The following RAPGEF1 variants were observed in gnomAD, a reference collection of about 807,000 sequenced individuals.
RAPGEF1 encodes Rap guanine nucleotide exchange factor 1, also known as CRK SH3-binding GNRP.
Under a neutral mutation model 143.3 loss-of-function variants are expected in RAPGEF1, and 33 were observed. That is an observed-to-expected ratio of 0.23 (90% CI 0.17 to 0.31). RAPGEF1 has a LOEUF of 0.31. RAPGEF1 is among the 10% of genes least tolerant of loss of function. The probability of loss-of-function intolerance (pLI) is 1.00; values close to 1 mark genes in which losing one functional copy is unlikely to be tolerated. For synonymous variants in RAPGEF1, 629 were observed against 676.5 expected, an observed-to-expected ratio of 0.93 and a Z score of 1.09; for missense variants, 1,199 against 1,645.4, an observed-to-expected ratio of 0.73 and a Z score of 4.69.
intron 15 of RAPGEF1, 106 bp from the exon 16 acceptor site, chr9:131,598,416 C>A: frequency 1.2e-6 from 1 of 863,422 alleles, no homozygotes; most frequent in Non-Finnish European, 1.9e-6. Context: ...GCTCCCGGAA[C>A]ATGCCTGCCC....
chr9:131,605,234 G>A (rs1294998321), intron 12 of RAPGEF1, 46 bp from the exon 13 acceptor site: 3 of 1,229,206 alleles, frequency 2.4e-6, no homozygotes, highest in East Asian at 5.6e-5. Flanking sequence ...AATACAAGAA[G>A]AAAAGAGAAA....
At chr9:131,684,765 C>A (rs1209699477) in intron 1 of RAPGEF1, among the ~76,000 whole-genome samples, 4 of 152,160 alleles carry the variant, frequency 2.6e-5, no homozygotes, top group African/African-American at 9.7e-5. Context: ...TTCTCCAGCC[C>A]AAAATCAACA....
intron 1 of RAPGEF1, among the ~76,000 whole-genome samples, chr9:131,733,664 T>C (rs998787057): frequency 3.3e-5 from 5 of 152,102 alleles, no homozygotes; most frequent in Admixed American, 1.3e-4. Context: ...GGAACACCTG[T>C]CCCGGCGGCG....
At chr9:131,710,062 CA>C in intron 1 of RAPGEF1, 22 of 538,578 alleles carry the variant, frequency 4.1e-5, no homozygotes, top group Non-Finnish European at 5.2e-5. Flanking sequence ...CTTTTCTCCG[CA>C]GGAGAAATGG....
chr9:131,676,258 G>A (rs542429486), intron 1 of RAPGEF1, among the ~76,000 whole-genome samples: 4 of 152,262 alleles, frequency 2.6e-5, no homozygotes, highest in South Asian at 2.1e-4. Context: ...TCTTCCCAGC[G>A]CACCCTGAGG....
intron 10 of RAPGEF1, 30 bp downstream of exon 10, chr9:131,625,892 C>A: frequency 1.3e-6 from 2 of 1,519,502 alleles, no homozygotes; most frequent in Non-Finnish European, 1.8e-6. Context: ...ATAAAATGCA[C>A]TTCCTGACAA....
At chr9:131,615,264 C>T (rs189161968) in intron 12 of RAPGEF1, among the ~76,000 whole-genome samples, 16 of 152,264 alleles carry the variant, frequency 1.1e-4, no homozygotes, top group Admixed American at 2.0e-4. Context: ...TCAGTAGAGC[C>T]GGGGTTTCAC....
intron 1 of RAPGEF1, among the ~76,000 whole-genome samples, chr9:131,717,355 A>G (rs1469257418): frequency 6.6e-6 from 1 of 152,144 alleles, no homozygotes; most frequent in Non-Finnish European, 1.5e-5. Flanking sequence ...TCCATACACA[A>G]TGGGTACTCA....
At chr9:131,617,630 C>T (rs1959201757) in intron 12 of RAPGEF1, among the ~76,000 whole-genome samples, 1 of 152,178 alleles carries the variant, frequency 6.6e-6, no homozygotes, top group African/African-American at 2.4e-5. Flanking sequence ...GACTAGAATC[C>T]AGAACTCTTA....
intron 1 of RAPGEF1, among the ~76,000 whole-genome samples, chr9:131,683,760 G>C (rs1181636250): frequency 6.6e-6 from 1 of 152,182 alleles, no homozygotes; most frequent in Non-Finnish European, 1.5e-5. Context: ...TGTAATTGAG[G>C]TATTGACTGC....
chr9:131,650,307 G>T lies in RAPGEF1; in HGVS notation c.202-65C>A. On this transcript the variant is annotated intron_variant, in intron 2 of 26. Coordinates refer to ENST00000683357, the MANE Select transcript of RAPGEF1 (RefSeq NM_001377935.1). This position sits in a 1 kb window ranked among gnomAD's most constrained non-coding sequence, Gnocchi z 4.7. ...TGGCTGTTTGAGGCCGAAGGGAGGG[G>T]TTGATGAAAGTCAATAGCTGTTTCA... 1 of 1,240,274 alleles carries T rather than the reference G, an allele frequency of 8.1e-7. No individual in the cohort carries two copies. The highest frequency in any genetic ancestry group is 1.2e-6 in the Non-Finnish European group (1 of 866,524). 76.8% of individuals were successfully genotyped at this position (1,240,274 alleles called of 1,614,324 possible). A position where few individuals can be genotyped will look rare whatever the true frequency, so the allele number is the denominator to read the frequency against.
At chr9:131,719,211 T>C (rs888248317) in intron 1 of RAPGEF1, among the ~76,000 whole-genome samples, 1 of 152,204 alleles carries the variant, frequency 6.6e-6, no homozygotes, top group Non-Finnish European at 1.5e-5. Flanking sequence ...TCCAAATTAA[T>C]CAGCTAATAT....
chr9:131,729,061 T>C (rs1262963655), intron 1 of RAPGEF1, among the ~76,000 whole-genome samples: 1 of 152,214 alleles, frequency 6.6e-6, no homozygotes, highest in Non-Finnish European at 1.5e-5. Flanking sequence ...TCAGACACTG[T>C]TCTGTACTGG....
chr9:131,637,870 G>A (rs941910368), intron 5 of RAPGEF1, among the ~76,000 whole-genome samples: 5 of 152,208 alleles, frequency 3.3e-5, no homozygotes, highest in African/African-American at 1.2e-4. Flanking sequence ...CATAGACTAC[G>A]AAGTGGTGAA....
chr9:131,696,203 T>C (rs1308656132), intron 1 of RAPGEF1, among the ~76,000 whole-genome samples: 4 of 152,130 alleles, frequency 2.6e-5, no homozygotes, highest in South Asian at 2.1e-4. Flanking sequence ...CTACTGGTCA[T>C]AGGACCAGCC....
intron 1 of RAPGEF1, among the ~76,000 whole-genome samples, chr9:131,652,707 C>T (rs549720588): frequency 2.2e-4 from 33 of 152,208 alleles, no homozygotes; most frequent in Non-Finnish European, 1.6e-4. Flanking sequence ...ATAACAATGC[C>T]TTCTTTTATA....
chr9:131,629,059 C>T, intron 7 of RAPGEF1, 43 bp downstream of exon 7: 1 of 1,586,186 alleles, frequency 6.3e-7, no homozygotes, highest in South Asian at 1.1e-5. Flanking sequence ...CTTTCTTTCT[C>T]ATTCTGCCAT....
At chr9:131,602,652 G>A (rs1956452687) in intron 14 of RAPGEF1, among the ~76,000 whole-genome samples, 1 of 152,212 alleles carries the variant, frequency 6.6e-6, no homozygotes, top group African/African-American at 2.4e-5. Flanking sequence ...CTTAACCACT[G>A]GGCCCTGCTG....
chr9:131,654,537 C>T (rs887500844), intron 1 of RAPGEF1, among the ~76,000 whole-genome samples: 6 of 152,156 alleles, frequency 3.9e-5, no homozygotes, highest in Non-Finnish European at 5.9e-5. Context: ...GAGACTTTGT[C>T]TCTACCTACA....
Sources: allele counts gnomAD v4.1 joint callset (sites outside exome capture counted in the v4.1 genomes callset), GRCh38; gene constraint gnomAD v4.1.1; non-coding constraint Gnocchi (gnomAD v3.1); transcripts MANE v1.5; gene names NCBI Gene and HGNC (gene_info 2026-07-23, HGNC 2026-07-21).